GFRA1: variants seen among roughly 807,000 people sequenced by gnomAD.
GFRA1 encodes the protein GDNF family receptor alpha-1.
In GFRA1, 16 loss-of-function variants were observed where a neutral mutation model predicts 51.6. That is an observed-to-expected ratio of 0.31 (90% CI 0.21 to 0.47). The LOEUF is 0.47. Ranked by LOEUF, GFRA1 falls within the 20% of genes least tolerant of loss-of-function variation. The pLI, the probability that GFRA1 is intolerant of heterozygous loss-of-function variation, is 1.00. For missense variants in GFRA1, 530 were observed against 594.3 expected, an observed-to-expected ratio of 0.89 and a Z score of 1.13; for synonymous variants, 270 against 241.3, an observed-to-expected ratio of 1.12 and a Z score of -1.10.
At chr10:116,162,466 C>T (rs1273627421) in intron 5 of GFRA1, among the ~76,000 whole-genome samples, 1 of 152,174 alleles carries the variant, frequency 6.6e-6, no homozygotes, top group Non-Finnish European at 1.5e-5. Context: ...GACTTCCCAC[C>T]CTCAACTGGC....
chr10:116,102,005 A>G (rs1040441351), intron 6 of GFRA1, among the ~76,000 whole-genome samples: 1 of 152,090 alleles, frequency 6.6e-6, no homozygotes, highest in African/African-American at 2.4e-5. Flanking sequence ...TACTGTTATG[A>G]TTTCAGTGTC....
At position 116,199,781 on chromosome 10, in the gene GFRA1, A is replaced by T. The variant is rs1391149724; in HGVS notation, c.433+11850T>A. On this transcript the variant is annotated intron_variant, in intron 5 of 10. Transcript: ENST00000355422. ...ACAAATCTTAAGTGTATATTCGCTG[A>T]GTTTTGACAAATGTATACACCTGTA... Among the ~76,000 whole-genome samples, 3 of 152,180 alleles carry T rather than the reference A, an allele frequency of 2.0e-5. No homozygotes were observed. In the East Asian group the frequency reaches 5.8e-4, roughly 29 times the overall value.
intron 7 of GFRA1, among the ~76,000 whole-genome samples, chr10:116,095,684 C>T (rs1324196817): frequency 1.3e-5 from 2 of 152,130 alleles, no homozygotes; most frequent in African/African-American, 2.4e-5. Flanking sequence ...TTGATTTTCC[C>T]AAAGCCGCCT....
chr10:116,057,206 G>A lies in GFRA1; in HGVS notation c.*7192C>T, dbSNP rs770079332. On this transcript the variant is annotated 3_prime_UTR_variant, in exon 11 of 11. Transcript: ENST00000355422. ...GTGTCCTCTGGAAAGCAGATACACA[G>A]GACGATGGACAAATGTGTCATCTTC... The A allele has an allele frequency of 6.6e-6, 1 of 152,186 alleles. No individual in the cohort carries two copies. Among genetic ancestry groups the A allele is most frequent in the Non-Finnish European group, 1.5e-5 (1 of 68,046 alleles). The allele number at this position is 152,186 out of a possible 1,614,324, so 9.4% of individuals were successfully genotyped here.
rs564134250 is a variant in GFRA1 at position 116,186,020 on chromosome 10, G to C, written c.433+25611C>G. Among the ~76,000 whole-genome samples, 5 of 152,244 alleles carry C rather than the reference G, an allele frequency of 3.3e-5. No homozygotes were observed. In the South Asian group the frequency reaches 1.0e-3, roughly 32 times the overall value. ...TTACTTTATTATTTTTGGGAGGTAGGGGGGTAGTAGGTGGGAGAGCAAGAA... is the reference window on the plus strand; with the variant it reads ...TTACTTTATTATTTTTGGGAGGTAGCGGGGTAGTAGGTGGGAGAGCAAGAA... On this transcript the variant is annotated intron_variant, in intron 5 of 10. Transcript: ENST00000355422.
chr10:116,149,055 A>G (rs963337563), intron 5 of GFRA1, among the ~76,000 whole-genome samples: 1 of 152,058 alleles, frequency 6.6e-6, no homozygotes, highest in Non-Finnish European at 1.5e-5. Flanking sequence ...CCTGTTGGCA[A>G]TGAGCAGTAA....
chr10:116,197,640 A>C (rs1281166094), intron 5 of GFRA1, among the ~76,000 whole-genome samples: 1 of 152,226 alleles, frequency 6.6e-6, no homozygotes, highest in Non-Finnish European at 1.5e-5. Context: ...TTTCCAAATG[A>C]GGTCACGTTC....
intron 6 of GFRA1, among the ~76,000 whole-genome samples, chr10:116,098,725 C>G (rs74683191): frequency 0.042 from 6,346 of 152,264 alleles, 432 homozygotes; most frequent in African/African-American, 0.15. Context: ...AGACTATTAA[C>G]TGAACAACAC....
At chr10:116,079,881 C>CCTAT (rs1955777144) in intron 9 of GFRA1, among the ~76,000 whole-genome samples, 1 of 152,234 alleles carries the variant, frequency 6.6e-6, no homozygotes, top group South Asian at 2.1e-4. Context: ...TGAAGAAGCA[C>CCTAT]CTATCTCCAA....
At chr10:116,154,106 C>T (rs1959158756) in intron 5 of GFRA1, among the ~76,000 whole-genome samples, 1 of 152,090 alleles carries the variant, frequency 6.6e-6, no homozygotes, top group Non-Finnish European at 1.5e-5. Flanking sequence ...TGAGTGTGTC[C>T]ATCCATCACT....
chr10:116,204,734 A>G (rs1964596059), intron 5 of GFRA1, among the ~76,000 whole-genome samples: 1 of 152,250 alleles, frequency 6.6e-6, no homozygotes, highest in South Asian at 2.1e-4. Context: ...AAAGCATAAC[A>G]TAAATACCTA....
chr10:116,125,427 G>T lies in GFRA1; in HGVS notation c.564C>A (p.Asn188Lys). The T allele has an allele frequency of 6.2e-7, 1 of 1,614,158 alleles. No homozygotes were observed. The highest frequency in any genetic ancestry group is 1.1e-5 in the South Asian group (1 of 91,084). ...GGAGGGCCTTGTGGCACTTGCGGCG[G>T]TTGCAGACATCGTTGGACACGCTGG... ...CTTSVSNDVC[N>K]RRKCHKALRQ... The change falls in exon 6 of 11, where the codon AAC becomes AAA. Residue 188 changes from asparagine to lysine, a missense_variant. By Grantham distance (94) the Asn-to-Lys change is moderately conservative. Transcript: ENST00000355422.
intron 5 of GFRA1, among the ~76,000 whole-genome samples, chr10:116,163,787 C>CA (rs1375853596): frequency 6.6e-6 from 1 of 152,200 alleles, no homozygotes; most frequent in Non-Finnish European, 1.5e-5. Flanking sequence ...CACTCTCCGC[C>CA]AGTGCTGGCC....
intron 4 of GFRA1, among the ~76,000 whole-genome samples, chr10:116,264,057 G>A (rs890187138): frequency 4.6e-5 from 7 of 152,168 alleles, no homozygotes; most frequent in African/African-American, 1.7e-4. Context: ...CTGAGACACC[G>A]CCAGATGGAG....
chr10:116,155,758 T>A (rs566446595), intron 5 of GFRA1, among the ~76,000 whole-genome samples: 22 of 152,256 alleles, frequency 1.4e-4, no homozygotes, highest in African/African-American at 5.3e-4. Flanking sequence ...ACAGCCCCTC[T>A]CTGTGCCACC....
In GFRA1 at chr10:116,084,610, A is replaced by G. The variant is rs140443515; in HGVS notation, c.1197+5131T>C. On this transcript the variant is annotated intron_variant, in intron 9 of 10. Coordinates refer to ENST00000355422, the MANE Select transcript of GFRA1 (RefSeq NM_005264.8). ...CTGAGTCCCAAGGCTATAGCTCCCA[A>G]TCCTTGTTACTCTATTTGACCACAG... Among the ~76,000 whole-genome samples, 1,050 of 152,280 alleles carry G rather than the reference A, an allele frequency of 6.9e-3. 4 individuals are homozygous for G. Among genetic ancestry groups the G allele is most frequent in the Middle Eastern group, 0.017 (5 of 294 alleles).
chr10:116,155,126 TATCTCATTTA>T (rs770162501), intron 5 of GFRA1, among the ~76,000 whole-genome samples: 23 of 152,204 alleles, frequency 1.5e-4, no homozygotes, highest in Non-Finnish European at 3.1e-4. Context: ...TCAAGAACTT[TATCTCATTTA>T]ATACTCATGA....
At chr10:116,218,374 A>G (rs1358212744) in intron 4 of GFRA1, among the ~76,000 whole-genome samples, 1 of 152,190 alleles carries the variant, frequency 6.6e-6, no homozygotes. Context: ...CAGCACTGCA[A>G]AGAGAGCTGT....
At chr10:116,158,909 A>G (rs1565617179) in intron 5 of GFRA1, among the ~76,000 whole-genome samples, 1 of 152,182 alleles carries the variant, frequency 6.6e-6, no homozygotes, top group African/African-American at 2.4e-5. Flanking sequence ...AGCCATGCAC[A>G]TGGTCCTCCC....
Sources: gnomAD v4.1 joint callset for allele counts (sites outside exome capture counted in the v4.1 genomes callset) on GRCh38, gnomAD v4.1.1 for gene constraint, MANE v1.5 for transcripts, NCBI Gene and HGNC (gene_info 2026-07-23, HGNC 2026-07-21) for gene names.